Variants in PRKN observed in about 807,000 individuals in gnomAD.
PRKN encodes parkin RBR E3 ubiquitin protein ligase.
PRKN carries 56 observed loss-of-function variants against 59.5 expected under a neutral mutation model. The ratio of observed to expected loss-of-function variants is 0.94; its 90% CI spans 0.76 to 1.18. The LOEUF is 1.18. Among genes scored for constraint, PRKN ranks in the 50% most tolerant of loss-of-function variants. The probability of loss-of-function intolerance (pLI) is 0.00; values close to 1 mark genes in which losing one functional copy is unlikely to be tolerated. For missense variants in PRKN, 657 were observed against 596.4 expected (o/e 1.10, Z -1.06); for synonymous variants, 250 against 222.1 (o/e 1.13, Z -1.12).
chr6:162,455,080 C>T (rs563986083), intron 1 of PRKN, among the ~76,000 whole-genome samples: 1 of 152,250 alleles, frequency 6.6e-6, no homozygotes, highest in Non-Finnish European at 1.5e-5. Flanking sequence ...GCTCTTCTAC[C>T]CCTTGGTATT....
intron 6 of PRKN, among the ~76,000 whole-genome samples, chr6:161,840,640 C>T (rs1462532849): frequency 6.6e-6 from 1 of 152,108 alleles, no homozygotes; most frequent in Non-Finnish European, 1.5e-5. Flanking sequence ...CTGTTTTTCC[C>T]CTCCAGTGTA....
Position 161,499,007 on chromosome 6 carries a change from G to GCA in PRKN, c.1083+49845_1083+49846dup, listed in dbSNP as rs1777856300. On this transcript the variant is annotated intron_variant, in intron 9 of 11. Transcript: ENST00000366898. This position sits in a 1 kb window ranked among gnomAD's most constrained non-coding sequence, Gnocchi z 4.2. Reference sequence around the variant, plus strand: ...AAGCCCCCGATGCTTTGCAACCTCCGCACATTTCTCAGAACTCAGGCTGAA... The same window carrying GCA: ...AAGCCCCCGATGCTTTGCAACCTCCGCACACATTTCTCAGAACTCAGGCTGAA... Among the ~76,000 whole-genome samples the GCA allele has an allele frequency of 6.6e-6, 1 of 152,008 alleles. No individual in the cohort carries two copies. The highest frequency in any genetic ancestry group is 2.1e-4 in the South Asian group (1 of 4,824).
At chr6:162,207,588 T>G (rs1351989457) in intron 3 of PRKN, among the ~76,000 whole-genome samples, 2 of 152,196 alleles carry the variant, frequency 1.3e-5, no homozygotes, top group Admixed American at 1.3e-4. Flanking sequence ...CATGGCCCCG[T>G]GTCTGCCCAT....
intron 7 of PRKN, among the ~76,000 whole-genome samples, chr6:161,721,710 A>T (rs1404622045): frequency 6.6e-6 from 1 of 151,932 alleles, no homozygotes; most frequent in Non-Finnish European, 1.5e-5. Flanking sequence ...CAGCCACGCC[A>T]CCCACCGTGA....
chr6:161,543,705 A>G (rs1003603742), intron 9 of PRKN, among the ~76,000 whole-genome samples: 71 of 152,338 alleles, frequency 4.7e-4, no homozygotes, highest in Middle Eastern at 3.4e-3. Context: ...TTCCTTATCC[A>G]ACTTCAAATC....
chr6:162,214,354 A>G (rs1777542292), intron 3 of PRKN, among the ~76,000 whole-genome samples: 1 of 152,164 alleles, frequency 6.6e-6, no homozygotes, highest in Non-Finnish European at 1.5e-5. Context: ...AAACCACAGC[A>G]CAGACTGCCT....
intron 9 of PRKN, among the ~76,000 whole-genome samples, chr6:161,425,523 C>T (rs1354303297): frequency 6.8e-5 from 10 of 147,174 alleles, no homozygotes; most frequent in African/African-American, 1.0e-4. Context: ...TGGTGTCCAA[C>T]GCTGGTCTCA....
chr6:162,581,444 T>C (rs1780786657), intron 1 of PRKN, among the ~76,000 whole-genome samples: 1 of 152,230 alleles, frequency 6.6e-6, no homozygotes. Context: ...AAAGAATTTG[T>C]AGATCTTCAT....
At chr6:161,404,725 C>G (rs754049410) in intron 9 of PRKN, among the ~76,000 whole-genome samples, 4 of 152,144 alleles carry the variant, frequency 2.6e-5, no homozygotes, top group Non-Finnish European at 4.4e-5. Flanking sequence ...CACAATGACG[C>G]AAGTCAAAAT....
intron 9 of PRKN, among the ~76,000 whole-genome samples, chr6:161,455,720 A>G (rs910703983): frequency 2.0e-5 from 3 of 151,876 alleles, no homozygotes; most frequent in Non-Finnish European, 4.4e-5. Flanking sequence ...AAAATTAGCC[A>G]GGTATGGTGG....
rs1778054248 is a variant in PRKN, at chr6:161,904,327, T to C, written c.734+68975A>G. 2.1e-5 allele frequency among the ~76,000 whole-genome samples: 3 copies of C among 141,970 alleles called. 1 individual carries two copies. In the South Asian group the frequency reaches 7.1e-4, roughly 34 times the overall value. 93.1% of individuals were successfully genotyped at this position (141,970 alleles called of 152,430 possible). A position where few individuals can be genotyped will look rare whatever the true frequency, so the allele number is the denominator to read the frequency against. ...TTGTGGGGTTTTTTTTTTTTTTTTT[T>C]TTTTTTGAGACAGAGTCTGGCTCTG... is the stretch of plus-strand genomic sequence containing the variant. On this transcript the variant is annotated intron_variant, in intron 6 of 11. Coordinates refer to ENST00000366898, the MANE Select transcript of PRKN (RefSeq NM_004562.3).
chr6:161,366,416 A>C (rs1418497741), intron 10 of PRKN, among the ~76,000 whole-genome samples: 1 of 152,210 alleles, frequency 6.6e-6, no homozygotes, highest in Admixed American at 6.5e-5. Flanking sequence ...AAGGTCAGAG[A>C]CAGAGAAGAA....
chr6:161,607,941 G>C (rs1444131843), intron 7 of PRKN, among the ~76,000 whole-genome samples: 1 of 152,282 alleles, frequency 6.6e-6, no homozygotes, highest in South Asian at 2.1e-4. Context: ...CACCAGCCCT[G>C]AAAGCTTGAA....
intron 1 of PRKN, among the ~76,000 whole-genome samples, chr6:162,635,443 G>A (rs1470069611): frequency 2.0e-5 from 3 of 152,050 alleles, no homozygotes; most frequent in African/African-American, 7.2e-5. Context: ...ATACTCAAAA[G>A]GTTCAAATTT....
intron 6 of PRKN, among the ~76,000 whole-genome samples, chr6:161,817,111 C>A (rs1051336884): frequency 6.6e-6 from 1 of 152,120 alleles, no homozygotes; most frequent in Non-Finnish European, 1.5e-5. Context: ...TCAATTCTAC[C>A]TTCCCGGTCC....
chr6:162,110,871 C>CA (rs1225760356), intron 4 of PRKN, among the ~76,000 whole-genome samples: 3 of 152,168 alleles, frequency 2.0e-5, no homozygotes, highest in African/African-American at 7.2e-5. Flanking sequence ...TTCACCTGAA[C>CA]ATACCATGAG....
intron 4 of PRKN, among the ~76,000 whole-genome samples, chr6:162,185,283 CT>C (rs199507077): frequency 6.6e-5 from 10 of 152,214 alleles, no homozygotes; most frequent in South Asian, 4.1e-4. Context: ...GGTAAACTTA[CT>C]TTTTCCCCCC....
chr6:161,834,954 C>T (rs554549554), intron 6 of PRKN, among the ~76,000 whole-genome samples: 1 of 152,176 alleles, frequency 6.6e-6, no homozygotes, highest in Non-Finnish European at 1.5e-5. Context: ...GCACCTCCAC[C>T]CCACCCCACC....
intron 7 of PRKN, among the ~76,000 whole-genome samples, chr6:161,602,126 A>G (rs1479867171): frequency 6.6e-6 from 1 of 151,892 alleles, no homozygotes; most frequent in Middle Eastern, 3.2e-3. Context: ...CTATCTATCT[A>G]TCTATCTAAT....
Sources: allele counts gnomAD v4.1 joint callset (sites outside exome capture counted in the v4.1 genomes callset), GRCh38; gene constraint gnomAD v4.1.1; non-coding constraint Gnocchi (gnomAD v3.1); transcripts MANE v1.5; gene names NCBI Gene and HGNC (gene_info 2026-07-23, HGNC 2026-07-21).